The following PRPF31 variants were observed in gnomAD, a reference collection of about 807,000 sequenced individuals.
PRPF31 encodes U4/U6 small nuclear ribonucleoprotein Prp31.
A neutral mutation model predicts 60.4 loss-of-function variants in PRPF31; 12 were observed. The observed-to-expected ratio is 0.20, with a 90% CI of 0.13 to 0.32. The LOEUF is 0.32. Among genes scored for constraint, PRPF31 ranks in the 10% least tolerant of loss-of-function variants. The pLI is 1.00. For synonymous variants in PRPF31, 287 were observed against 287.9 expected (o/e 1.00, Z 0.03); for missense variants, 431 against 687.1 (o/e 0.63, Z 4.17).
At chr19:54,124,274 TCCTCCCTGCACCCCCAGGCCAGCTGC>T (rs1404555343) in intron 7 of PRPF31, 199 bp from the exon 8 acceptor site, 14 of 630,048 alleles carry the variant, frequency 2.2e-5, no homozygotes, top group Non-Finnish European at 3.9e-5. Flanking sequence ...GTTGGGGGCC[TCCTCCCTGCACCCCCAGGCCAGCTGC>T]CCTCCCTCTC....
intron 5 of PRPF31, 118 bp from the exon 6 acceptor site, chr19:54,123,336 C>T: frequency 1.2e-6 from 1 of 817,568 alleles, no homozygotes; most frequent in Non-Finnish European, 2.2e-6. Context: ...GCCCCCAGTG[C>T]AGAGACCCTG....
chr19:54,124,369 C>G, intron 7 of PRPF31, 130 bp from the exon 8 acceptor site: 1 of 920,092 alleles, frequency 1.1e-6, no homozygotes, highest in Non-Finnish European at 1.7e-6. Context: ...CTGGCAGGGC[C>G]ATCGAGGAAT....
At chr19:54,123,206 C>T (rs1292809312) in intron 5 of PRPF31, 1 of 594,730 alleles carries the variant, frequency 1.7e-6, no homozygotes, top group Non-Finnish European at 3.0e-6. Flanking sequence ...ACAGTCTTTC[C>T]AGACGCCACT....
At chr19:54,129,239 G>T (rs767118963) in intron 12 of PRPF31, 33 bp from the exon 13 acceptor site, 3 of 1,603,820 alleles carry the variant, frequency 1.9e-6, no homozygotes, top group East Asian at 2.3e-5. Flanking sequence ...GGTGGGGGGA[G>T]CCCAGATCGC....
At chr19:54,125,013 A>G in intron 8 of PRPF31, 1 of 422,790 alleles carries the variant, frequency 2.4e-6, no homozygotes, top group Non-Finnish European at 4.4e-6. Context: ...ACTGCTCCGA[A>G]GACCACCCTC....
At chr19:54,128,262 C>T in intron 10 of PRPF31, 43 bp from the exon 11 acceptor site, 3 of 1,555,464 alleles carry the variant, frequency 1.9e-6, no homozygotes, top group Non-Finnish European at 2.6e-6. Context: ...CGGCGTCCTC[C>T]TCCCAGCCGA....
rs1421616026 is a variant in PRPF31, at chr19:54,131,357, C to A, written c.1425C>A (p.Ala475=). ...PQAAEKKVAE[A]NQKYFSSMAE... is the part of the protein sequence containing the mutation. The stretch of plus-strand genomic sequence containing the variant: ...CGGCAGAGAAGAAGGTGGCTGAGGC[C>A]AACCAGAAGTATTTCTCCAGCATGG... Residue 475 remains alanine (A), a synonymous_variant, in exon 14 of 14, where the codon GCC becomes GCA. Transcript: ENST00000321030. 1.2e-6 allele frequency: 2 copies of A among 1,613,944 alleles called. No individual in the cohort carries two copies. The highest frequency in any genetic ancestry group is 3.3e-5 in the Admixed American group (2 of 60,004).
rs987953095 is a variant in PRPF31, at chr19:54,122,023, A to G, written c.322+80A>G. On this transcript the variant is annotated intron_variant, in intron 4 of 13. Transcript: ENST00000321030. ...TCTCCCTTCCCCACTGGCCTTTCCC[A>G]GGGTCCTGCCCCTAAGCCCAAGCTC... The G allele has an allele frequency of 3.5e-6, 5 of 1,427,790 alleles. No individual in the cohort carries two copies. The East Asian group carries it at 1.2e-4, about 35-fold the overall frequency. The allele number at this position is 1,427,790 out of a possible 1,614,324, so 88.4% of individuals were successfully genotyped here. A position where few individuals can be genotyped will look rare whatever the true frequency, so the allele number is the denominator to read the frequency against.
At chr19:54,124,875 C>A in intron 8 of PRPF31, 1 of 617,316 alleles carries the variant, frequency 1.6e-6, no homozygotes, top group African/African-American at 1.8e-5. Flanking sequence ...GCGCCCTGTG[C>A]CTCAGTCTCC....
chr19:54,126,972 T>C (rs1319600048), intron 9 of PRPF31, among the ~76,000 whole-genome samples: 6 of 152,204 alleles, frequency 3.9e-5, no homozygotes, highest in Middle Eastern at 3.4e-3. Context: ...CTACCAAAAT[T>C]AGCCGGGTGT....
At chr19:54,128,716 G>C (rs2556367) in intron 11 of PRPF31, among the ~76,000 whole-genome samples, 13 of 151,992 alleles carry the variant, frequency 8.6e-5, no homozygotes, top group African/African-American at 2.4e-4. Flanking sequence ...TTATCCCAGC[G>C]TCATCCCCTT....
intron 3 of PRPF31, among the ~76,000 whole-genome samples, chr19:54,121,476 C>T (rs2073787313): frequency 6.6e-6 from 1 of 152,106 alleles, no homozygotes; most frequent in Non-Finnish European, 1.5e-5. Flanking sequence ...TCCCTGTGTG[C>T]CAGGTGCTGT....
In PRPF31 at chr19:54,128,132, G is replaced by A. The variant is rs1404983988; in HGVS notation, c.1005G>A (p.Pro335=). ...AATTCGACAAGTGGCAGGAGCCGCCGCCTGTGAAGCAGGTGAAGCCGCTGC... is the reference window on the plus strand; with the variant it reads ...AATTCGACAAGTGGCAGGAGCCGCCACCTGTGAAGCAGGTGAAGCCGCTGC... ...ERKFDKWQEP[P]PVKQVKPLPA... Residue 335 remains proline (P), a synonymous_variant, in exon 10 of 14, where the codon CCG becomes CCA. Transcript: ENST00000321030. 25 of 1,554,776 alleles carry A rather than the reference G, an allele frequency of 1.6e-5. No homozygotes were observed. The highest frequency in any genetic ancestry group is 6.8e-5 in the African/African-American group (5 of 73,946).
chr19:54,124,471 C>A (rs1451442230), intron 7 of PRPF31, 28 bp from the exon 8 acceptor site: 10 of 1,576,374 alleles, frequency 6.3e-6, no homozygotes, highest in Non-Finnish European at 8.6e-6. Context: ...TCTGACCGCC[C>A]CCCCTTCCTC....
rs760509641 is a variant in PRPF31 at position 54,128,153 on chromosome 19, G to A, written c.1026G>A (p.Pro342=). 2.2e-5 allele frequency: 35 copies of A among 1,561,374 alleles called. No homozygotes were observed. The highest frequency in any genetic ancestry group is 3.5e-5 in the South Asian group (3 of 85,026). Residue 342 remains proline (P), a synonymous_variant, in exon 10 of 14, where the codon CCG becomes CCA. Coordinates refer to ENST00000321030, the MANE Select transcript of PRPF31 (RefSeq NM_015629.4). ...QEPPPVKQVK[P]LPAPLDGQRK... ...CGCCGCCTGTGAAGCAGGTGAAGCC[G>A]CTGCCTGCGCCCCTGGATGGACAGC... is the stretch of plus-strand genomic sequence containing the variant.
At chr19:54,122,368 G>C (rs763100560) in intron 4 of PRPF31, 129 bp from the exon 5 acceptor site, 2 of 795,316 alleles carry the variant, frequency 2.5e-6, no homozygotes, top group Non-Finnish European at 4.6e-6. Flanking sequence ...GCTGTATGCT[G>C]GTGCCCGTGT....
chr19:54,121,781 C>T (rs1282300335), intron 3 of PRPF31, 79 bp from the exon 4 acceptor site: 2 of 1,397,340 alleles, frequency 1.4e-6, no homozygotes, highest in Non-Finnish European at 2.0e-6. Flanking sequence ...CCAACTTCAT[C>T]CTCCGCCTCC....
intron 3 of PRPF31, chr19:54,119,489 AT>A (rs2073735612): frequency 6.7e-6 from 1 of 149,326 alleles, no homozygotes; most frequent in African/African-American, 2.5e-5. Flanking sequence ...TCCTGTTACC[AT>A]TCCTATTCTT....
At chr19:54,118,505 C>T in intron 2 of PRPF31, 50 bp downstream of exon 2, 2 of 1,613,732 alleles carry the variant, frequency 1.2e-6, no homozygotes, top group Non-Finnish European at 8.5e-7. Context: ...CAGAATCTCC[C>T]AGAAGGGGGT....
Sources: allele counts gnomAD v4.1 joint callset (sites outside exome capture counted in the v4.1 genomes callset), GRCh38; gene constraint gnomAD v4.1.1; transcripts MANE v1.5; gene names NCBI Gene and HGNC (gene_info 2026-07-23, HGNC 2026-07-21).